Variants in MROH1 observed in about 807,000 individuals in gnomAD.
MROH1 encodes maestro heat-like repeat-containing protein family member 1.
A neutral mutation model predicts 116.5 loss-of-function variants in MROH1; 117 were observed. That is an observed-to-expected ratio of 1.00 (90% CI 0.86 to 1.17). The LOEUF (loss-of-function observed/expected upper bound fraction) is 1.17. Ranked by LOEUF, MROH1 falls within the 50% of genes most tolerant of loss-of-function variation. The probability of loss-of-function intolerance (pLI) is 0.00; values close to 1 mark genes in which losing one functional copy is unlikely to be tolerated. For synonymous variants in MROH1, 921 were observed against 583.9 expected (o/e 1.58, Z -8.32); for missense variants, 1,873 against 1,338.5 (o/e 1.40, Z -6.23).
chr8:144,202,414 G>A (rs1297089238), intron 12 of MROH1, among the ~76,000 whole-genome samples: 25 of 148,020 alleles, frequency 1.7e-4, no homozygotes, highest in African/African-American at 6.2e-4. Flanking sequence ...GGGAGCACCA[G>A]CTCTGTGTGG....
In MROH1 at chr8:144,190,824, C is replaced by T. The variant is rs778169877; in HGVS notation, c.603C>T (p.Ala201=). 2 of 1,613,772 alleles carry T rather than the reference C, an allele frequency of 1.2e-6. No homozygotes were observed. The highest frequency in any genetic ancestry group is 2.2e-5 in the South Asian group (2 of 91,086). ...RFSEGALEYL[A]NLDRAPDPTV... ...GCGAGGGTGCCCTGGAGTACCTAGC[C>T]AACCTGGACCGAGCCCCAGACCCCA... The change falls in exon 8 of 44, where the codon GCC becomes GCT. Residue 201 remains alanine, a synonymous_variant. Transcript: ENST00000326134.
chr8:144,175,557 C>T (rs574936517), intron 4 of MROH1: 8 of 985,124 alleles, frequency 8.1e-6, no homozygotes, highest in East Asian at 1.1e-4. Flanking sequence ...AGCTCTGCGA[C>T]GTCCCAGGTG....
intron 35 of MROH1, among the ~76,000 whole-genome samples, chr8:144,256,297 G>T (rs868980924): frequency 6.6e-6 from 1 of 151,742 alleles, no homozygotes; most frequent in Admixed American, 6.6e-5. Flanking sequence ...CTGCCATGCC[G>T]CACCTGCCCA....
chr8:144,239,977 G>A (rs1267822353), intron 18 of MROH1, 124 bp from the exon 19 acceptor site: 22 of 711,414 alleles, frequency 3.1e-5, no homozygotes, highest in Non-Finnish European at 5.0e-5. Flanking sequence ...CTGGGAGCAG[G>A]TGGGGGGCAG....
At chr8:144,186,881 T>TTGCC (rs1263747196) in intron 7 of MROH1, among the ~76,000 whole-genome samples, 3 of 149,120 alleles carry the variant, frequency 2.0e-5, no homozygotes, top group Non-Finnish European at 4.5e-5. Context: ...TTGCCTGAGC[T>TTGCC]CAGGAGTTTG....
At chr8:144,194,149 G>A (rs898772624) in intron 10 of MROH1, among the ~76,000 whole-genome samples, 7 of 152,126 alleles carry the variant, frequency 4.6e-5, no homozygotes, top group African/African-American at 1.2e-4. Flanking sequence ...TGCAACCTCC[G>A]CCTCCTGGGT....
chr8:144,241,343 T>C (rs1199462128), intron 21 of MROH1, 52 bp from the exon 22 acceptor site: 3 of 733,834 alleles, frequency 4.1e-6, no homozygotes, highest in Admixed American at 2.0e-5. Flanking sequence ...TGTGCGTGCA[T>C]GTGTGGCAGT....
intron 12 of MROH1, among the ~76,000 whole-genome samples, chr8:144,202,032 A>AG (rs1831276591): frequency 6.6e-6 from 1 of 151,528 alleles, no homozygotes; most frequent in African/African-American, 2.4e-5. Context: ...AAAAAAAAAA[A>AG]AAAGAGAAAG....
rs764618961 is a variant in MROH1, at chr8:144,180,413, CCT to C, written c.464-6_464-5del. On this transcript the variant is annotated splice_polypyrimidine_tract_variant and intron_variant, in intron 6 of 43. Coordinates refer to ENST00000326134, the MANE Select transcript of MROH1 (RefSeq NM_032450.3). The surrounding 1 kb of genome is among the most constrained non-coding windows in gnomAD (Gnocchi z 7.4). Reference sequence around the variant, plus strand: ...CCTTGGCGGAGGCCTTTGACGGTGTCCTCTCTCACAGCGTTCGGCGTAGTCCC... The same window carrying C: ...CCTTGGCGGAGGCCTTTGACGGTGTCCTCTCACAGCGTTCGGCGTAGTCCC... 1.1e-5 allele frequency: 18 copies of C among 1,612,832 alleles called. No individual in the cohort carries two copies. Among genetic ancestry groups the C allele is most frequent in the Non-Finnish European group, 1.4e-5 (16 of 1,179,748 alleles).
Position 144,243,872 on chromosome 8 carries a change from A to G in MROH1, c.2485A>G (p.Arg829Gly). The G allele has an allele frequency of 1.3e-6, 1 of 779,882 alleles. No individual in the cohort carries two copies. Among genetic ancestry groups the G allele is most frequent in the East Asian group, 2.4e-5 (1 of 41,232 alleles). 48.3% of individuals were successfully genotyped at this position (779,882 alleles called of 1,614,324 possible). The change falls in exon 26 of 44, where the codon AGG (arginine) becomes GGG (glycine). Residue 829 changes from arginine to glycine, a missense_variant. By Grantham distance (125) the Arg-to-Gly change is moderately radical. Coordinates refer to ENST00000326134, the MANE Select transcript of MROH1 (RefSeq NM_032450.3). ...ELVAQMMEFI[R>G]AEPPDSLRTP... ...CACCTGCCTCACCCAGGAGTTCATC[A>G]GGGCAGAGCCCCCGGACTCCTTGAG...
rs573524223 is a variant in MROH1, at chr8:144,188,449, ATTTTTTTTTTTTTTTTT to A, written c.563-2313_563-2297del. 2.0e-4 allele frequency among the ~76,000 whole-genome samples: 9 copies of A among 45,836 alleles called. No homozygotes were observed. In the East Asian group the frequency reaches 2.5e-3, roughly 13 times the overall value. The allele number at this position is 45,836 out of a possible 152,430, so 30.1% of individuals were successfully genotyped here. On this transcript the variant is annotated intron_variant, in intron 7 of 43. Coordinates refer to ENST00000326134, the MANE Select transcript of MROH1 (RefSeq NM_032450.3). Reference sequence around the variant, plus strand: ...CTGGGTCAGGTGCTACCACTGCCCAATTTTTTTTTTTTTTTTTTTTTTTTTTTTTTTTTTTTTTGAGA... The same window carrying A: ...CTGGGTCAGGTGCTACCACTGCCCAATTTTTTTTTTTTTTTTTTTTTGAGA...
chr8:144,260,824 G>A lies in MROH1; in HGVS notation c.4528G>A (p.Val1510Met), dbSNP rs1315904957. Reference sequence around the variant, plus strand: ...GCACCTGCAGGACCCTCAGGCCACCGTGGCCAGCGTGAGTAGCCAGGGGGT... The same window carrying A: ...GCACCTGCAGGACCCTCAGGCCACCATGGCCAGCGTGAGTAGCCAGGGGGT... Reference protein sequence around the residue: ...LLHLQDPQATVASACRFALRM... With the variant: ...LLHLQDPQATMASACRFALRM... Residue 1510 changes from valine to methionine, a missense_variant, in exon 40 of 44, where the codon GTG becomes ATG. Val to Met is a conservative substitution (Grantham distance 21, BLOSUM62 1). Coordinates refer to ENST00000326134, the MANE Select transcript of MROH1 (RefSeq NM_032450.3). 7.7e-6 allele frequency: 6 copies of A among 777,548 alleles called. No homozygotes were observed. Among genetic ancestry groups the A allele is most frequent in the African/African-American group, 5.1e-5 (3 of 59,124 alleles). The allele number at this position is 777,548 out of a possible 1,614,324, so 48.2% of individuals were successfully genotyped here. A position where few individuals can be genotyped will look rare whatever the true frequency, so the allele number is the denominator to read the frequency against.
At position 144,222,778 on chromosome 8, in the gene MROH1, G is replaced by A. The variant is rs117309201; in HGVS notation, c.1216-330G>A. 4.4e-3 allele frequency among the ~76,000 whole-genome samples: 662 copies of A among 152,022 alleles called. 3 individuals carry two copies. Among genetic ancestry groups the A allele is most frequent in the Admixed American group, 9.4e-3 (144 of 15,266 alleles). ...CATAGGTGTGGGTATAGGTGTGGGC[G>A]TTGGCACAGGTATGTGGGTACAGGC... On this transcript the variant is annotated intron_variant, in intron 13 of 43. Transcript: ENST00000326134.
Position 144,239,061 on chromosome 8 carries a change from C to G in MROH1, c.1473C>G (p.Phe491Leu). ...TCCTCTGGCCATACCTGCTCCAGTT[C>G]CTCACCCCTGTGCGCTTCACTGGGG... ...SHVLWPYLLQ[F>L]LTPVRFTGAL... is the part of the protein sequence containing the mutation. Residue 491 changes from phenylalanine to leucine, a missense_variant, in exon 16 of 44, where the codon TTC becomes TTG. Physicochemically the swap from Phe to Leu is conservative, Grantham distance 22 (BLOSUM62 0). Transcript: ENST00000326134. 2.6e-6 allele frequency: 2 copies of G among 778,270 alleles called. No individual in the cohort carries two copies. Among genetic ancestry groups the G allele is most frequent in the Non-Finnish European group, 4.8e-6 (2 of 417,778 alleles). The allele number at this position is 778,270 out of a possible 1,614,324, so 48.2% of individuals were successfully genotyped here. A position where few individuals can be genotyped will look rare whatever the true frequency, so the allele number is the denominator to read the frequency against.
In MROH1 at chr8:144,182,799, G is replaced by A. The variant is rs756150551; in HGVS notation, c.562+2276G>A. 2.0e-5 allele frequency among the ~76,000 whole-genome samples: 3 copies of A among 152,162 alleles called. No individual in the cohort carries two copies. The highest frequency in any genetic ancestry group is 4.8e-5 in the African/African-American group (2 of 41,448). On this transcript the variant is annotated intron_variant, in intron 7 of 43. Coordinates refer to ENST00000326134, the MANE Select transcript of MROH1 (RefSeq NM_032450.3). This position sits in a 1 kb window ranked among gnomAD's most constrained non-coding sequence, Gnocchi z 4.1. ...GACGCAAAGGCATGCCCTAGTGGCC[G>A]GGTGCGGTGGCTCATGCCTGTAATC...
At chr8:144,240,076 C>T (rs962420633) in intron 18 of MROH1, 25 bp from the exon 19 acceptor site, 5 of 770,528 alleles carry the variant, frequency 6.5e-6, no homozygotes, top group Non-Finnish European at 1.2e-5. Context: ...TTGGGATGGG[C>T]TGGCCTGCGC....
chr8:144,261,176 C>G lies in MROH1; in HGVS notation c.4734C>G (p.Ser1578Arg). ...LLTTCLFYFK[S>R]SWENVRAAAP... ...CCACCTGCCTGTTCTACTTCAAGAGCAGCTGGGAGAACGTCCGAGCTGCTG... is the reference window on the plus strand; with the variant it reads ...CCACCTGCCTGTTCTACTTCAAGAGGAGCTGGGAGAACGTCCGAGCTGCTG... The change falls in exon 42 of 44, where the codon AGC becomes AGG. Residue 1578 changes from serine to arginine, a missense_variant. Coordinates refer to ENST00000326134, the MANE Select transcript of MROH1 (RefSeq NM_032450.3). 1 of 769,836 alleles carries G rather than the reference C, an allele frequency of 1.3e-6. No individual in the cohort carries two copies. The highest frequency in any genetic ancestry group is 2.4e-6 in the Non-Finnish European group (1 of 417,640). 47.7% of individuals were successfully genotyped at this position (769,836 alleles called of 1,614,324 possible).
In MROH1 at chr8:144,168,314, G is replaced by A; in HGVS notation, c.42G>A (p.Leu14=). Residue 14 remains leucine (L), a synonymous_variant, in exon 4 of 44, where the codon CTG becomes CTA. Coordinates refer to ENST00000326134, the MANE Select transcript of MROH1 (RefSeq NM_032450.3). The part of the protein sequence containing the change: ...SSMKKLASTL[L]DAITDKDPLV... ...CTGCAGAGCTGGCCTCCACCCTGCT[G>A]GACGCCATCACCGATAAGGACCCCC... 1 of 1,606,612 alleles carries A rather than the reference G, an allele frequency of 6.2e-7. No homozygotes were observed.
intron 4 of MROH1, among the ~76,000 whole-genome samples, chr8:144,171,495 C>A (rs1300121159): frequency 6.6e-6 from 1 of 152,172 alleles, no homozygotes; most frequent in African/African-American, 2.4e-5. Flanking sequence ...CGCTCATGCT[C>A]ACTTGAGGCA....
Sources: allele counts gnomAD v4.1 joint callset (sites outside exome capture counted in the v4.1 genomes callset), GRCh38; gene constraint gnomAD v4.1.1; non-coding constraint Gnocchi (gnomAD v3.1); transcripts MANE v1.5; gene names NCBI Gene and HGNC (gene_info 2026-07-23, HGNC 2026-07-21).